Variants in PCDHGB5 observed in about 807,000 individuals in gnomAD.
The protein encoded by PCDHGB5 is protocadherin gamma subfamily B, 5, also known as protocadherin gamma-B5.
PCDHGB5 carries 48 observed loss-of-function variants against 62.9 expected under a neutral mutation model. The ratio of observed to expected loss-of-function variants is 0.76; its 90% CI spans 0.61 to 0.97. PCDHGB5 has a LOEUF of 0.97. Ranked by LOEUF, PCDHGB5 falls within the 50% of genes least tolerant of loss-of-function variation. PCDHGB5 has a pLI of 0.00. For missense variants in PCDHGB5, 1,118 were observed against 1,198.6 expected (o/e 0.93, Z 0.99); for synonymous variants, 474 against 511.2 (o/e 0.93, Z 0.98).
chr5:141,469,128 T>C (rs567164869), intron 1 of PCDHGB5, among the ~76,000 whole-genome samples: 1 of 151,692 alleles, frequency 6.6e-6, no homozygotes, highest in East Asian at 1.9e-4. Context: ...ATTTAAAAAT[T>C]AGCCAGAAAT....
At chr5:141,453,185 C>T (rs2098757478) in intron 1 of PCDHGB5, among the ~76,000 whole-genome samples, 1 of 152,146 alleles carries the variant, frequency 6.6e-6, no homozygotes, top group South Asian at 2.1e-4. Flanking sequence ...ACAATCACAG[C>T]TCACTGCAGC....
intron 1 of PCDHGB5, among the ~76,000 whole-genome samples, chr5:141,469,802 CATT>C (rs2099211643): frequency 6.6e-6 from 1 of 152,022 alleles, no homozygotes; most frequent in Admixed American, 6.6e-5. Context: ...ATTGCAAAAA[CATT>C]GTAGATAGAA....
chr5:141,491,438 G>A lies in PCDHGB5; in HGVS notation c.2398-3369G>A, dbSNP rs376927300. The A allele has an allele frequency of 3.7e-6, 6 of 1,614,066 alleles. No homozygotes were observed. Among genetic ancestry groups the A allele is most frequent in the Admixed American group, 1.7e-5 (1 of 60,016 alleles). On this transcript the variant is annotated intron_variant, in intron 1 of 3. Coordinates refer to ENST00000617380, the MANE Select transcript of PCDHGB5 (RefSeq NM_018925.3). This position sits in a 1 kb window ranked among gnomAD's most constrained non-coding sequence, Gnocchi z 6.9. ...GGGGGTGGAGGGCAGTGCTGCAGGC[G>A]CCAGGACTCACCCTCCCCGGACTTC...
chr5:141,399,933 C>T lies in PCDHGB5; in HGVS notation c.1806C>T (p.Tyr602=). ...CAGGACACAACGCCTGGCTGTCCTA[C>T]CACGTGCTGCAGGCTAGCGAGCCCG... ...ADSGHNAWLS[Y]HVLQASEPGL... The change falls in exon 1 of 4, where the codon TAC becomes TAT. Residue 602 remains tyrosine (Y), a synonymous_variant. Transcript: ENST00000617380. 3.1e-6 allele frequency: 5 copies of T among 1,612,358 alleles called. No individual in the cohort carries two copies. The highest frequency in any genetic ancestry group is 1.7e-6 in the Non-Finnish European group (2 of 1,179,746).
In PCDHGB5 at chr5:141,487,439, T is replaced by C. The variant is rs201458212; in HGVS notation, c.2398-7368T>C. 1 of 1,613,926 alleles carries C rather than the reference T, an allele frequency of 6.2e-7. No individual in the cohort carries two copies. Among genetic ancestry groups the C allele is most frequent in the South Asian group, 1.1e-5 (1 of 91,066 alleles). ...TGGGATCCTCCGAATCCAGCTAGGG[T>C]CAGATGACCCTATCAAGTTTGTTGA... is the stretch of plus-strand genomic sequence containing the variant. On this transcript the variant is annotated intron_variant, in intron 1 of 3. Transcript: ENST00000617380. This position sits in a 1 kb window ranked among gnomAD's most constrained non-coding sequence, Gnocchi z 5.0.
intron 1 of PCDHGB5, among the ~76,000 whole-genome samples, chr5:141,449,103 A>G (rs1033077737): frequency 2.0e-5 from 3 of 152,206 alleles, no homozygotes; most frequent in African/African-American, 7.2e-5. Context: ...CATATGCAGT[A>G]TATCTTTGGG....
At chr5:141,466,754 C>T (rs1045917268) in intron 1 of PCDHGB5, among the ~76,000 whole-genome samples, 1 of 152,138 alleles carries the variant, frequency 6.6e-6, no homozygotes, top group African/African-American at 2.4e-5. Context: ...GATAGGGGCT[C>T]TTTTCAAACT....
At position 141,491,290 on chromosome 5, in the gene PCDHGB5, C is replaced by T. The variant is rs747758229; in HGVS notation, c.2398-3517C>T. Reference sequence around the variant, plus strand: ...CAAATCCAGTGACTTCCTCATACACCCTCCTGAGCGTTCAGACCTTACCCT... The same window carrying T: ...CAAATCCAGTGACTTCCTCATACACTCTCCTGAGCGTTCAGACCTTACCCT... On this transcript the variant is annotated intron_variant, in intron 1 of 3. Coordinates refer to ENST00000617380, the MANE Select transcript of PCDHGB5 (RefSeq NM_018925.3). The surrounding 1 kb of genome is among the most constrained non-coding windows in gnomAD (Gnocchi z 6.9). 6.2e-7 allele frequency: 1 copy of T among 1,613,974 alleles called. No homozygotes were observed. Among genetic ancestry groups the T allele is most frequent in the Non-Finnish European group, 8.5e-7 (1 of 1,179,952 alleles).
chr5:141,486,722 G>C lies in PCDHGB5; in HGVS notation c.2398-8085G>C, dbSNP rs1235454839. The C allele has an allele frequency of 6.2e-7, 1 of 1,614,200 alleles. No homozygotes were observed. Among genetic ancestry groups the C allele is most frequent in the East Asian group, 2.2e-5 (1 of 44,874 alleles). ...CTCTCTGAACCCCCAGACAGGAGCT[G>C]TTCATGCTACTCGATCCTTTGACTA... On this transcript the variant is annotated intron_variant, in intron 1 of 3. Transcript: ENST00000617380. This position sits in a 1 kb window ranked among gnomAD's most constrained non-coding sequence, Gnocchi z 5.0.
At chr5:141,408,702 T>C (rs769871063) in intron 1 of PCDHGB5, 6 of 1,613,208 alleles carry the variant, frequency 3.7e-6, no homozygotes, top group South Asian at 3.3e-5. Flanking sequence ...ATAAACTCAA[T>C]TAAAGATTAT....
rs2099385215 is a variant in PCDHGB5 at position 141,476,099 on chromosome 5, G to A, written c.2398-18708G>A. On this transcript the variant is annotated intron_variant, in intron 1 of 3. Coordinates refer to ENST00000617380, the MANE Select transcript of PCDHGB5 (RefSeq NM_018925.3). This position sits in a 1 kb window ranked among gnomAD's most constrained non-coding sequence, Gnocchi z 7.6. ...GGGACGATCTGGACCCCGCTGAGAGGAACTGCTTTTGAGTGAGATGGTCCC... is the reference window on the plus strand; with the variant it reads ...GGGACGATCTGGACCCCGCTGAGAGAAACTGCTTTTGAGTGAGATGGTCCC... 1 of 1,574,916 alleles carries A rather than the reference G, an allele frequency of 6.3e-7. No individual in the cohort carries two copies.
rs774992336 is a variant in PCDHGB5, at chr5:141,409,845, T to G, written c.2397+9321T>G. The G allele has an allele frequency of 7.4e-6, 12 of 1,611,748 alleles. No homozygotes were observed. In the African/African-American group the frequency reaches 1.6e-4, roughly 22 times the overall value. On this transcript the variant is annotated intron_variant, in intron 1 of 3. Coordinates refer to ENST00000617380, the MANE Select transcript of PCDHGB5 (RefSeq NM_018925.3). ...CCCACGCTCAGCGCCAACGTGAGCCTGCGCGTGTTGGTGGGAGACCGCAAT... is the reference window on the plus strand; with the variant it reads ...CCCACGCTCAGCGCCAACGTGAGCCGGCGCGTGTTGGTGGGAGACCGCAAT...
rs747811019 is a variant in PCDHGB5 at position 141,490,069 on chromosome 5, C to T, written c.2398-4738C>T. 6 of 1,614,150 alleles carry T rather than the reference C, an allele frequency of 3.7e-6. No homozygotes were observed. Among genetic ancestry groups the T allele is most frequent in the Non-Finnish European group, 5.1e-6 (6 of 1,180,044 alleles). ...TCCAGACGAGGGCACCAACGGCCAA[C>T]TAGACTATTCTTTTGGAGACCACAC... On this transcript the variant is annotated intron_variant, in intron 1 of 3. Transcript: ENST00000617380. This position sits in a 1 kb window ranked among gnomAD's most constrained non-coding sequence, Gnocchi z 5.4.
intron 3 of PCDHGB5, among the ~76,000 whole-genome samples, chr5:141,509,420 G>A (rs1384424118): frequency 6.6e-6 from 1 of 152,128 alleles, no homozygotes; most frequent in East Asian, 1.9e-4. Context: ...GAGCCCCAAT[G>A]AGTCAAACTC....
intron 1 of PCDHGB5, chr5:141,403,068 C>G (rs1178674622): frequency 6.2e-7 from 1 of 1,614,064 alleles, no homozygotes; most frequent in Admixed American, 1.7e-5. Context: ...CCTGAAGAGA[C>G]AGAAAAGGGC....
Position 141,427,790 on chromosome 5 carries a change from C to T in PCDHGB5, c.2397+27266C>T, listed in dbSNP as rs1212280689. ...TGGAGCTGCGGGCACTGTCGTCCTACGTGTCCGTGAGCGCACAGAGCGGGG... is the reference window on the plus strand; with the variant it reads ...TGGAGCTGCGGGCACTGTCGTCCTATGTGTCCGTGAGCGCACAGAGCGGGG... On this transcript the variant is annotated intron_variant, in intron 1 of 3. Transcript: ENST00000617380. 2.0e-6 allele frequency: 3 copies of T among 1,482,108 alleles called. No homozygotes were observed. The Admixed American group carries it at 5.0e-5, about 25-fold the overall frequency. 91.8% of individuals were successfully genotyped at this position (1,482,108 alleles called of 1,614,324 possible).
chr5:141,478,213 C>A (rs2099439229), intron 1 of PCDHGB5: 1 of 1,614,000 alleles, frequency 6.2e-7, no homozygotes, highest in Non-Finnish European at 8.5e-7. Context: ...TTTCTCTAAT[C>A]CTGGTTTCTG....
chr5:141,472,337 C>T (rs1327386198), intron 1 of PCDHGB5, among the ~76,000 whole-genome samples: 1 of 151,764 alleles, frequency 6.6e-6, no homozygotes, highest in Non-Finnish European at 1.5e-5. Context: ...GTTGGGAGAT[C>T]GAGACCATCC....
At position 141,429,997 on chromosome 5, in the gene PCDHGB5, G is replaced by A. The variant is rs536289272; in HGVS notation, c.2397+29473G>A. Among the ~76,000 whole-genome samples, 3 of 152,240 alleles carry A rather than the reference G, an allele frequency of 2.0e-5. No homozygotes were observed. The East Asian group carries it at 5.8e-4, about 29-fold the overall frequency. On this transcript the variant is annotated intron_variant, in intron 1 of 3. Transcript: ENST00000617380. ...TCTACTTTATGCTAAAAATATTAAT[G>A]TTTCTTTTTCACTTGGGTTCTTGTT... is the stretch of plus-strand genomic sequence containing the variant.
Sources: allele counts gnomAD v4.1 joint callset (sites outside exome capture counted in the v4.1 genomes callset), GRCh38; gene constraint gnomAD v4.1.1; non-coding constraint Gnocchi (gnomAD v3.1); transcripts MANE v1.5; gene names NCBI Gene and HGNC (gene_info 2026-07-23, HGNC 2026-07-21).